Variants in GHDC observed in about 807,000 individuals in gnomAD.
GHDC encodes GH3 domain-containing protein.
Under a neutral mutation model 51.5 loss-of-function variants are expected in GHDC, and 39 were observed. The ratio of observed to expected loss-of-function variants is 0.76; its 90% CI spans 0.59 to 0.99. The LOEUF is 0.99. Ranked by LOEUF, GHDC falls within the 50% of genes least tolerant of loss-of-function variation. The pLI is 0.00. For missense variants in GHDC, 610 were observed against 672.8 expected (o/e 0.91, Z 1.03); for synonymous variants, 282 against 305.2 (o/e 0.92, Z 0.79).
rs1289146477 is a variant in GHDC at position 42,193,613 on chromosome 17, C to T, written c.-13-19G>A. The T allele has an allele frequency of 6.6e-6, 10 of 1,517,302 alleles. No homozygotes were observed. Among genetic ancestry groups the T allele is most frequent in the Middle Eastern group, 1.7e-4 (1 of 5,902 alleles). 94.0% of individuals were successfully genotyped at this position (1,517,302 alleles called of 1,614,324 possible). On this transcript the variant is annotated intron_variant, in intron 2 of 9. Coordinates refer to ENST00000587427, the MANE Select transcript of GHDC (RefSeq NM_032484.5). ...GCAGCTCCTGGGAAGAGGAAGGAAC[C>T]GAGATATGGGGGCATGCAGCAATTA...
intron 8 of GHDC, 93 bp downstream of exon 8, chr17:42,190,531 G>T: frequency 6.8e-7 from 1 of 1,471,672 alleles, no homozygotes; most frequent in Non-Finnish European, 9.1e-7. Context: ...TAGTAAAGGA[G>T]GCTTATCTCT....
In GHDC at chr17:42,192,603, G is replaced by C; in HGVS notation, c.527C>G (p.Thr176Ser). ...WPGNTLGQVG[T>S]PGTKDPRALL... The stretch of plus-strand genomic sequence containing the variant: ...GGCCCTAGGGTCCTTGGTTCCAGGG[G>C]TGCCCACCTGGCCCAGGGTATTCCC... The change falls in exon 5 of 10, where the codon ACC (threonine) becomes AGC (serine). Residue 176 changes from threonine (T) to serine (S), a missense_variant. Thr to Ser is a moderately conservative substitution (Grantham distance 58). Transcript: ENST00000587427. 2 of 1,613,558 alleles carry C rather than the reference G, an allele frequency of 1.2e-6. No homozygotes were observed. Among genetic ancestry groups the C allele is most frequent in the Non-Finnish European group, 8.5e-7 (1 of 1,179,996 alleles).
rs2079976558 is a variant in GHDC at position 42,192,433 on chromosome 17, G to T, written c.697C>A (p.Leu233Ile). 6.2e-7 allele frequency: 1 copy of T among 1,613,298 alleles called. No homozygotes were observed. Among genetic ancestry groups the T allele is most frequent in the Non-Finnish European group, 8.5e-7 (1 of 1,180,036 alleles). ...AIAAGNPGAP[L>I]RERAAELREA... ...CGGAGCTCAGCTGCCCGTTCACGGA[G>T]AGGCGCTCCAGGGTTCCCGGCAGCT... The change falls in exon 5 of 10, where the codon CTC (leucine) becomes ATC (isoleucine). Residue 233 changes from leucine (L) to isoleucine (I), a missense_variant. Physicochemically the swap from Leu to Ile is conservative, Grantham distance 5. Around this residue, in one of 2 missense-constraint regions of GHDC, gnomAD observed 412 missense variants for 410.4 expected, o/e 1.00. Coordinates refer to ENST00000587427, the MANE Select transcript of GHDC (RefSeq NM_032484.5).
chr17:42,192,675 G>T lies in GHDC; in HGVS notation c.455C>A (p.Ala152Asp). The T allele has an allele frequency of 1.3e-6, 2 of 1,598,028 alleles. No homozygotes were observed. Among genetic ancestry groups the T allele is most frequent in the Non-Finnish European group, 1.7e-6 (2 of 1,171,064 alleles). The change falls in exon 5 of 10, where the codon GCC (alanine) becomes GAC (aspartate). Residue 152 changes from alanine (A) to aspartate (D), a missense_variant. Ala to Asp is a moderately radical substitution (Grantham distance 126). Around this residue, in one of 2 missense-constraint regions of GHDC, gnomAD observed 198 missense variants for 262.3 expected, o/e 0.75. Transcript: ENST00000587427. ...YPEVLAQGRT[A>D]RVTLTSPWPR... ...CCAAGGGGATGTAAGCGTCACACGG[G>T]CAGTGCGTCCCTGAGCCAGCACTTC...
Position 42,189,626 on chromosome 17 carries a change from C to T in GHDC, c.*77G>A. 1.4e-6 allele frequency: 1 copy of T among 692,940 alleles called. No individual in the cohort carries two copies. Among genetic ancestry groups the T allele is most frequent in the Non-Finnish European group, 2.2e-6 (1 of 449,096 alleles). 42.9% of individuals were successfully genotyped at this position (692,940 alleles called of 1,614,324 possible). A position where few individuals can be genotyped will look rare whatever the true frequency, so the allele number is the denominator to read the frequency against. ...CAGAGTCAGAGACCCTGGCCAAGGACTCCCCATCCGGAGAGGTCCCAGAGG... is the reference window on the plus strand; with the variant it reads ...CAGAGTCAGAGACCCTGGCCAAGGATTCCCCATCCGGAGAGGTCCCAGAGG... On this transcript the variant is annotated 3_prime_UTR_variant, in exon 10 of 10. Transcript: ENST00000587427.
intron 3 of GHDC, 142 bp from the exon 4 acceptor site, chr17:42,193,169 C>G (rs2079983112): frequency 1.3e-6 from 2 of 1,541,528 alleles, no homozygotes; most frequent in Admixed American, 2.0e-5. Flanking sequence ...GGAAATTCAT[C>G]TTGGACAAGA....
intron 8 of GHDC, 59 bp downstream of exon 8, chr17:42,190,565 G>T: frequency 6.4e-7 from 1 of 1,564,304 alleles, no homozygotes; most frequent in Non-Finnish European, 8.6e-7. Flanking sequence ...CCTGGCAGGG[G>T]AGGTAGGAGT....
At chr17:42,191,826 G>A (rs1476312992) in intron 5 of GHDC, among the ~76,000 whole-genome samples, 1 of 147,644 alleles carries the variant, frequency 6.8e-6, no homozygotes, top group Non-Finnish European at 1.5e-5. Context: ...GCAATGGCGC[G>A]ATCTCAGCTC....
intron 4 of GHDC, 77 bp from the exon 5 acceptor site, chr17:42,192,819 C>T: frequency 1.9e-6 from 3 of 1,560,636 alleles, no homozygotes; most frequent in African/African-American, 1.4e-5. Flanking sequence ...TCTTTGCCCA[C>T]CATGACTGGA....
At position 42,192,690 on chromosome 17, in the gene GHDC, G is replaced by A. The variant is rs2079979430; in HGVS notation, c.440C>T (p.Ala147Val). 1.9e-6 allele frequency: 3 copies of A among 1,582,796 alleles called. No individual in the cohort carries two copies. The highest frequency in any genetic ancestry group is 2.6e-6 in the Non-Finnish European group (3 of 1,163,868). ...CGTCACACGGGCAGTGCGTCCCTGAGCCAGCACTTCTGGGTAGGCCTTGTT... is the reference window on the plus strand; with the variant it reads ...CGTCACACGGGCAGTGCGTCCCTGAACCAGCACTTCTGGGTAGGCCTTGTT... ...ALNKAYPEVL[A>V]QGRTARVTLT... Residue 147 changes from alanine (A) to valine (V), a missense_variant, in exon 5 of 10, where the codon GCT becomes GTT. Ala to Val is a moderately conservative substitution (Grantham distance 64). Around this residue, in one of 2 missense-constraint regions of GHDC, gnomAD observed 198 missense variants for 262.3 expected, o/e 0.75. Transcript: ENST00000587427.
rs373504898 is a variant in GHDC at position 42,190,670 on chromosome 17, C to T, written c.1242G>A (p.Ala414=). 21 of 1,613,484 alleles carry T rather than the reference C, an allele frequency of 1.3e-5. No individual in the cohort carries two copies. The highest frequency in any genetic ancestry group is 6.6e-5 in the South Asian group (6 of 91,074). The part of the protein sequence containing the change: ...EALGRAVGQW[A]GAKLLDHGCV... The stretch of plus-strand genomic sequence containing the variant: ...AGCCATGGTCCAGCAGCTTGGCCCC[C>T]GCCCACTGCCCCACTGCCCGGCCCA... Residue 414 remains alanine, a synonymous_variant, in exon 8 of 10, where the codon GCG becomes GCA. Transcript: ENST00000587427.
intron 9 of GHDC, 93 bp downstream of exon 9, chr17:42,190,092 C>T (rs2144162024): frequency 6.7e-7 from 1 of 1,482,560 alleles, no homozygotes; most frequent in Non-Finnish European, 9.1e-7. Context: ...CTCCGCCACC[C>T]CTCTCCTTCC....
chr17:42,189,727 A>T lies in GHDC; in HGVS notation c.1569T>A (p.Cys523Ter). The T allele has an allele frequency of 6.7e-7, 1 of 1,495,424 alleles. No homozygotes were observed. Among genetic ancestry groups the T allele is most frequent in the Non-Finnish European group, 8.9e-7 (1 of 1,122,996 alleles). The allele number at this position is 1,495,424 out of a possible 1,614,324, so 92.6% of individuals were successfully genotyped here. ...CTCAGGACACCACCCTCTCCTGCAG[A>T]CACTGGGCCAGGTGCCTGTGCCGAA... The part of the protein sequence containing the change: ...RVLRHRHLAQ[C>*]LQERVVS The change falls in exon 10 of 10, where the codon TGT becomes TGA. Residue 523 changes from cysteine to a stop codon, truncating the protein, a stop_gained. Coordinates refer to ENST00000587427, the MANE Select transcript of GHDC (RefSeq NM_032484.5). LOFTEE classifies it high-confidence loss of function.
intron 5 of GHDC, 45 bp downstream of exon 5, chr17:42,192,195 AC>A (rs1355555823): frequency 1.3e-6 from 2 of 1,508,150 alleles, no homozygotes; most frequent in Admixed American, 2.3e-5. Context: ...TTGTCATGTG[AC>A]CACTGACCGT....
rs539331207 is a variant in GHDC, at chr17:42,193,337, C to G, written c.245G>C (p.Cys82Ser). ...WCLQGAQRPHCSLRRSTDIST... is the reference protein window; with the variant it reads ...WCLQGAQRPHSSLRRSTDIST... ...CACACCTGTGCTCCTTCTGAGGGAA[C>G]AGTGGGGGCGCTGGGCTCCCTGTAG... is the stretch of plus-strand genomic sequence containing the variant. Residue 82 changes from cysteine to serine, a missense_variant, in exon 3 of 10, where the codon TGT becomes TCT. This residue lies in a region of GHDC where 198 missense variants were observed against 262.3 expected (regional missense o/e 0.75). Transcript: ENST00000587427. The G allele has an allele frequency of 5.6e-6, 9 of 1,604,804 alleles. No individual in the cohort carries two copies. The highest frequency in any genetic ancestry group is 1.3e-5 in the African/African-American group (1 of 74,978).
rs374551993 is a variant in GHDC, at chr17:42,193,030, A to G, written c.266-3T>C. ...ATGATTCCGGAAGGTGCTTATGTCT[A>G]TAGCCCCAATGACAACAGAAACGCC... On this transcript the variant is annotated splice_polypyrimidine_tract_variant and splice_region_variant and intron_variant, in intron 3 of 9. Transcript: ENST00000587427. 3.1e-6 allele frequency: 5 copies of G among 1,614,022 alleles called. No individual in the cohort carries two copies. The Admixed American group carries it at 5.0e-5, about 16-fold the overall frequency.
rs766391543 is a variant in GHDC at position 42,191,151 on chromosome 17, C to A, written c.949G>T (p.Gly317Trp). Reference sequence around the variant, plus strand: ...GGGAGCAGCTCGATAAAGGGGGCCCCAGGGGGCAGAAGGTAGAGCCCATGG... The same window carrying A: ...GGGAGCAGCTCGATAAAGGGGGCCCAAGGGGGCAGAAGGTAGAGCCCATGG... Reference protein sequence around the residue: ...QPHGLYLLPPGAPFIELLPVK... With the variant: ...QPHGLYLLPPWAPFIELLPVK... Residue 317 changes from glycine (G) to tryptophan (W), a missense_variant, in exon 6 of 10, where the codon GGG (glycine) becomes TGG (tryptophan). This residue lies in a region of GHDC where 412 missense variants were observed against 410.4 expected (regional missense o/e 1.00). Coordinates refer to ENST00000587427, the MANE Select transcript of GHDC (RefSeq NM_032484.5). 1 of 1,553,784 alleles carries A rather than the reference C, an allele frequency of 6.4e-7. No homozygotes were observed. Among genetic ancestry groups the A allele is most frequent in the Non-Finnish European group, 8.7e-7 (1 of 1,153,828 alleles).
At chr17:42,190,574 G>A (rs1161934970) in intron 8 of GHDC, 50 bp downstream of exon 8, 1 of 1,583,162 alleles carries the variant, frequency 6.3e-7, no homozygotes, top group East Asian at 2.3e-5. Context: ...GGAGGTAGGA[G>A]TTGAAGGGTA....
In GHDC at chr17:42,192,339, G is replaced by A. The variant is rs1322399373; in HGVS notation, c.791C>T (p.Thr264Ile). The change falls in exon 5 of 10, where the codon ACT becomes ATT. Residue 264 changes from threonine (T) to isoleucine (I), a missense_variant. Transcript: ENST00000587427. The part of the protein sequence containing the change: ...RLWPKLQVVV[T>I]LDAGGQAEAV... ...CTCGGCCTGGCCTCCTGCATCCAGAGTCACCACCACCTGCAGCTTTGGCCA... is the reference window on the plus strand; with the variant it reads ...CTCGGCCTGGCCTCCTGCATCCAGAATCACCACCACCTGCAGCTTTGGCCA... The A allele has an allele frequency of 6.2e-7, 1 of 1,613,160 alleles. No homozygotes were observed. Among genetic ancestry groups the A allele is most frequent in the Non-Finnish European group, 8.5e-7 (1 of 1,179,792 alleles).
Sources: allele counts gnomAD v4.1 joint callset (sites outside exome capture counted in the v4.1 genomes callset), GRCh38; gene constraint gnomAD v4.1.1; regional missense constraint gnomAD v4.1.1; transcripts MANE v1.5; gene names NCBI Gene and HGNC (gene_info 2026-07-23, HGNC 2026-07-21).